The following RYR2 variants were observed in gnomAD, a reference collection of about 807,000 sequenced individuals.
RYR2 encodes the protein ryanodine receptor 2.
Under a neutral mutation model 601.1 loss-of-function variants are expected in RYR2, and 227 were observed. The ratio of observed to expected loss-of-function variants is 0.38; its 90% CI spans 0.34 to 0.42. RYR2 has a LOEUF of 0.42. RYR2 is among the 10% of genes least tolerant of loss of function. RYR2 has a pLI of 1.00. For missense variants in RYR2, 4,646 were observed against 6,156.5 expected (o/e 0.75, Z 8.21); for synonymous variants, 2,223 against 2,175.1 (o/e 1.02, Z -0.61).
chr1:237,068,872 T>C (rs1409233027), intron 1 of RYR2, among the ~76,000 whole-genome samples: 1 of 152,148 alleles, frequency 6.6e-6, no homozygotes, highest in Non-Finnish European at 1.5e-5. Context: ...TCTTCCAACC[T>C]GCTCCTAGGT....
intron 3 of RYR2, among the ~76,000 whole-genome samples, chr1:237,354,748 A>G (rs1699151192): frequency 6.6e-6 from 1 of 152,144 alleles, no homozygotes; most frequent in Non-Finnish European, 1.5e-5. Flanking sequence ...AGTGAAAATC[A>G]GGCCTTTCTG....
rs1658421904 is a variant in RYR2, at chr1:237,791,916, A to G, written c.13564-189A>G. The stretch of plus-strand genomic sequence containing the variant: ...TTTTGGTTGAATAAGAATGAATTTT[A>G]AAAGTATGTTCATTACTTGCCTTTG... On this transcript the variant is annotated intron_variant, in intron 93 of 104. Coordinates refer to ENST00000366574, the MANE Select transcript of RYR2 (RefSeq NM_001035.3). 4 of 596,848 alleles carry G rather than the reference A, an allele frequency of 6.7e-6. No homozygotes were observed. The South Asian group carries it at 8.6e-5, about 13-fold the overall frequency. 37.0% of individuals were successfully genotyped at this position (596,848 alleles called of 1,614,324 possible).
intron 71 of RYR2, among the ~76,000 whole-genome samples, chr1:237,716,754 C>CCACA (rs72260792): frequency 1.3e-3 from 190 of 148,430 alleles, no homozygotes; most frequent in African/African-American, 3.5e-3. Context: ...ATATATTAGA[C>CCACA]CACACACACA....
rs1558298221 is a variant in RYR2, at chr1:237,727,179, C to A, written c.10818C>A (p.Ala3606=). The A allele has an allele frequency of 3.2e-6, 5 of 1,551,484 alleles. No homozygotes were observed. The highest frequency in any genetic ancestry group is 4.4e-6 in the Non-Finnish European group (5 of 1,143,644). The change falls in exon 76 of 105, where the codon GCC becomes GCA. Residue 3606 remains alanine (A), a synonymous_variant. Coordinates refer to ENST00000366574, the MANE Select transcript of RYR2 (RefSeq NM_001035.3). ...KRAVVACFRM[A]PLYNLPRHRA... ...CTGTTGTAGCCTGCTTCCGGATGGC[C>A]CCCTTATATAATCTGCCAAGGTCGG...
rs763042123 is a variant in RYR2 at position 237,452,077 on chromosome 1, T to TTGTG, written c.1293-2288_1293-2285dup. Among the ~76,000 whole-genome samples, 454 of 74,546 alleles carry TTGTG rather than the reference T, an allele frequency of 6.1e-3. 5 individuals are homozygous for TTGTG. The highest frequency in any genetic ancestry group is 0.014 in the African/African-American group (421 of 30,638). The allele number at this position is 74,546 out of a possible 152,430, so 48.9% of individuals were successfully genotyped here. On this transcript the variant is annotated intron_variant, in intron 14 of 104. Coordinates refer to ENST00000366574, the MANE Select transcript of RYR2 (RefSeq NM_001035.3). Reference sequence around the variant, plus strand: ...TGGGGTGGGGAATATATATAAAATTTTGTGTGTGTGTGTGTGTGTGTGTGT... The same window carrying TTGTG: ...TGGGGTGGGGAATATATATAAAATTTTGTGTGTGTGTGTGTGTGTGTGTGTGTGT...
In RYR2 at chr1:237,142,603, A is replaced by G. The variant is rs114220555; in HGVS notation, c.48+100034A>G. 2.3e-3 allele frequency among the ~76,000 whole-genome samples: 356 copies of G among 152,242 alleles called. 2 individuals are homozygous for G. The highest frequency in any genetic ancestry group is 8.0e-3 in the African/African-American group (332 of 41,568). On this transcript the variant is annotated intron_variant, in intron 1 of 104. Coordinates refer to ENST00000366574, the MANE Select transcript of RYR2 (RefSeq NM_001035.3). ...CCAGGGTTCCTGCCACCCTGTGATG[A>G]GGAGCTCTTCATTGGTGGGGCAGTT...
intron 1 of RYR2, among the ~76,000 whole-genome samples, chr1:237,235,758 T>C (rs1489486286): frequency 6.6e-6 from 1 of 152,244 alleles, no homozygotes; most frequent in Non-Finnish European, 1.5e-5. Flanking sequence ...ATGGAGATAC[T>C]GTCCCCTCAT....
intron 99 of RYR2, among the ~76,000 whole-genome samples, chr1:237,808,619 C>A (rs1190678837): frequency 2.7e-5 from 4 of 146,478 alleles, no homozygotes; most frequent in South Asian, 2.1e-4. Flanking sequence ...CAGATTGTGC[C>A]ACAGCACTCC....
intron 1 of RYR2, among the ~76,000 whole-genome samples, chr1:237,144,099 A>G (rs1000419208): frequency 2.0e-4 from 31 of 152,098 alleles, no homozygotes; most frequent in African/African-American, 7.5e-4. Context: ...ACTGCACTCC[A>G]GCCTGGGTGA....
intron 19 of RYR2, among the ~76,000 whole-genome samples, chr1:237,493,727 C>T (rs1663702070): frequency 6.6e-6 from 1 of 152,232 alleles, no homozygotes; most frequent in Non-Finnish European, 1.5e-5. Flanking sequence ...GCTGGGATTA[C>T]AGGCGTGAGC....
intron 38 of RYR2, among the ~76,000 whole-genome samples, chr1:237,618,042 C>T (rs1269391919): frequency 6.6e-6 from 1 of 152,086 alleles, no homozygotes; most frequent in Non-Finnish European, 1.5e-5. Flanking sequence ...TCAGAGTGGG[C>T]CTCAGAGTGT....
intron 2 of RYR2, among the ~76,000 whole-genome samples, chr1:237,313,957 GT>G (rs34046795): frequency 0.16 from 15,009 of 91,778 alleles, 1,318 homozygotes; most frequent in African/African-American, 0.35. Context: ...ATTTTCAGGT[GT>G]TTTTTTTTTT....
intron 2 of RYR2, among the ~76,000 whole-genome samples, chr1:237,304,970 T>G (rs1479595741): frequency 1.3e-5 from 2 of 152,204 alleles, no homozygotes. Context: ...TCAGCCTCAT[T>G]ATTAATTGTA....
chr1:237,070,541 G>A (rs758702053), intron 1 of RYR2, among the ~76,000 whole-genome samples: 36 of 152,308 alleles, frequency 2.4e-4, no homozygotes, highest in Non-Finnish European at 4.3e-4. Context: ...TCTGTGGCCA[G>A]TGGTGCCTCT....
At chr1:237,401,171 A>T (rs781464925) in intron 10 of RYR2, among the ~76,000 whole-genome samples, 6 of 152,126 alleles carry the variant, frequency 3.9e-5, no homozygotes, top group Non-Finnish European at 8.8e-5. Context: ...TACATATAAA[A>T]CTCAAATTGC....
At chr1:237,185,118 G>A (rs958826560) in intron 1 of RYR2, among the ~76,000 whole-genome samples, 4 of 151,752 alleles carry the variant, frequency 2.6e-5, no homozygotes, top group African/African-American at 7.3e-5. Flanking sequence ...CTCCCACCTC[G>A]GCCCCCCAAA....
Position 237,654,405 on chromosome 1 carries a change from G to A in RYR2, c.7956G>A (p.Leu2652=), listed in dbSNP as rs770556464. The part of the protein sequence containing the change: ...RKLFWGIFDA[L]SQKKYEQELF... The stretch of plus-strand genomic sequence containing the variant: ...TGTTCTGGGGCATTTTTGATGCCCT[G>A]TCTCAAAAGGTAATTTAATGGTTTG... The change falls in exon 52 of 105, where the codon CTG becomes CTA. Residue 2652 remains leucine (L), a synonymous_variant. Transcript: ENST00000366574. The A allele has an allele frequency of 6.2e-7, 1 of 1,613,774 alleles. No homozygotes were observed. Among genetic ancestry groups the A allele is most frequent in the Non-Finnish European group, 8.5e-7 (1 of 1,179,790 alleles).
At chr1:237,639,279 A>G in intron 46 of RYR2, 78 bp downstream of exon 46, 3 of 1,279,940 alleles carry the variant, frequency 2.3e-6, no homozygotes, top group South Asian at 1.7e-5. Context: ...TCTGCATCCT[A>G]TGAATTGTAA....
intron 64 of RYR2, among the ~76,000 whole-genome samples, chr1:237,700,009 T>G (rs557421086): frequency 6.6e-6 from 1 of 152,344 alleles, no homozygotes; most frequent in South Asian, 2.1e-4. Context: ...AGCAAGGTTT[T>G]AATAAGTTGA....
Sources: gnomAD v4.1 joint callset for allele counts (sites outside exome capture counted in the v4.1 genomes callset) on GRCh38, gnomAD v4.1.1 for gene constraint, MANE v1.5 for transcripts, NCBI Gene and HGNC (gene_info 2026-07-23, HGNC 2026-07-21) for gene names.